Variants in USP34 observed in about 807,000 individuals in gnomAD.
The protein encoded by USP34 is ubiquitin carboxyl-terminal hydrolase 34.
In USP34, 70 loss-of-function variants were observed where a neutral mutation model predicts 460.3. That is an observed-to-expected ratio of 0.15 (90% CI 0.13 to 0.19). USP34 has a LOEUF of 0.19. Among genes scored for constraint, USP34 ranks in the 10% least tolerant of loss-of-function variants. The pLI, the probability that USP34 is intolerant of heterozygous loss-of-function variation, is 1.00. For missense variants in USP34, 3,985 were observed against 4,236.2 expected (o/e 0.94, Z 1.65); for synonymous variants, 1,647 against 1,405.3 (o/e 1.17, Z -3.85).
At chr2:61,365,668 G>A (rs1692415283) in intron 10 of USP34, among the ~76,000 whole-genome samples, 1 of 152,076 alleles carries the variant, frequency 6.6e-6, no homozygotes, top group Non-Finnish European at 1.5e-5. Flanking sequence ...ATTTGTCAGA[G>A]TCACATACCT....
At chr2:61,313,144 G>C (rs919333109) in intron 25 of USP34, among the ~76,000 whole-genome samples, 3 of 151,624 alleles carry the variant, frequency 2.0e-5, no homozygotes, top group African/African-American at 7.3e-5. Flanking sequence ...TATTGTACTA[G>C]TAACAAAAAA....
rs1231976699 is a variant in USP34 at position 61,314,697 on chromosome 2, C to G, written c.3430G>C (p.Glu1144Gln). Residue 1144 changes from glutamate (E) to glutamine (Q), a missense_variant, in exon 25 of 80, where the codon GAG becomes CAG. Transcript: ENST00000398571. ...CTGCTAGAAGCTATCATAAGACTCT[C>G]CATGCACTTACTAATAAATTCTTGC... is the stretch of plus-strand genomic sequence containing the variant. Reference protein sequence around the residue: ...KEQEFISKCMESLMIASSSLE... With the variant: ...KEQEFISKCMQSLMIASSSLE... 2 of 1,597,446 alleles carry G rather than the reference C, an allele frequency of 1.3e-6. No homozygotes were observed. The highest frequency in any genetic ancestry group is 2.3e-5 in the South Asian group (2 of 87,324).
At chr2:61,273,776 T>C (rs1045178281) in intron 41 of USP34, among the ~76,000 whole-genome samples, 20 of 152,116 alleles carry the variant, frequency 1.3e-4, no homozygotes, top group African/African-American at 4.6e-4. Flanking sequence ...AGATATGATA[T>C]TGGTGAATGA....
At chr2:61,465,635 G>C (rs1695738625) in intron 1 of USP34, among the ~76,000 whole-genome samples, 1 of 152,134 alleles carries the variant, frequency 6.6e-6, no homozygotes, top group South Asian at 2.1e-4. Flanking sequence ...TTCAGACCAG[G>C]AGTTTGAGAC....
chr2:61,416,873 G>C, intron 2 of USP34: 5 of 730,094 alleles, frequency 6.8e-6, no homozygotes, highest in Non-Finnish European at 1.1e-5. Flanking sequence ...GGGCAGCACA[G>C]TGGAAGCCCT....
chr2:61,314,284 A>G (rs1034169804), intron 25 of USP34, among the ~76,000 whole-genome samples: 1 of 152,120 alleles, frequency 6.6e-6, no homozygotes, highest in Non-Finnish European at 1.5e-5. Context: ...TGCCTTTTTA[A>G]TCAAAGTCAA....
chr2:61,188,442 T>C lies in USP34; in HGVS notation c.10301A>G (p.His3434Arg). The C allele has an allele frequency of 6.2e-7, 1 of 1,614,238 alleles. No individual in the cohort carries two copies. The highest frequency in any genetic ancestry group is 8.5e-7 in the Non-Finnish European group (1 of 1,180,034). ...SEDMSNIRSQ[H>R]AEEQSNNGRY... ...ACCATTGTTGGACTGTTCTTCTGCA[T>C]GCTGTGACCTGATATTTGACATGTC... The change falls in exon 80 of 80, where the codon CAT becomes CGT. Residue 3434 changes from histidine to arginine, a missense_variant. Coordinates refer to ENST00000398571, the MANE Select transcript of USP34 (RefSeq NM_014709.4).
At chr2:61,294,162 G>A (rs1689948813) in intron 32 of USP34, among the ~76,000 whole-genome samples, 1 of 152,054 alleles carries the variant, frequency 6.6e-6, no homozygotes, top group Middle Eastern at 3.4e-3. Flanking sequence ...TGGCTAACAT[G>A]GTGAAACCCC....
At chr2:61,262,763 C>G (rs1268764276) in intron 43 of USP34, among the ~76,000 whole-genome samples, 1 of 152,200 alleles carries the variant, frequency 6.6e-6, no homozygotes, top group African/African-American at 2.4e-5. Context: ...TGCCAAGCTG[C>G]TTCTCACAAT....
chr2:61,331,359 T>C lies in USP34; in HGVS notation c.2847A>G (p.Lys949=), dbSNP rs1355610009. The C allele has an allele frequency of 1.6e-5, 25 of 1,610,566 alleles. No individual in the cohort carries two copies. The highest frequency in any genetic ancestry group is 2.0e-5 in the Non-Finnish European group (24 of 1,178,468). Residue 949 remains lysine (K), a synonymous_variant, in exon 20 of 80, where the codon AAA becomes AAG. Transcript: ENST00000398571. ...AGAAAAGCTTCATCATGTTCAGTTC[T>C]TTTTCTGCCCACCTGGCCCAAATAA... ...DTHWITMWAE[K]ELNMMKLFFD...
At chr2:61,221,437 G>C (rs1687582267) in intron 66 of USP34, 65 bp downstream of exon 66, 2 of 1,405,156 alleles carry the variant, frequency 1.4e-6, no homozygotes, top group African/African-American at 2.9e-5. Context: ...AAATGGTAGT[G>C]ACTATATTAT....
At chr2:61,278,311 C>CAA in intron 40 of USP34, 26 bp from the exon 41 acceptor site, 4 of 1,611,204 alleles carry the variant, frequency 2.5e-6, no homozygotes, top group Non-Finnish European at 3.4e-6. Context: ...AAAATACACA[C>CAA]AAGCAAGATA....
intron 69 of USP34, among the ~76,000 whole-genome samples, chr2:61,210,825 C>T (rs891576939): frequency 6.6e-6 from 1 of 152,128 alleles, no homozygotes; most frequent in Non-Finnish European, 1.5e-5. Flanking sequence ...ATCTTCCCAC[C>T]TCAGCCCCCC....
chr2:61,341,575 AC>A (rs1213729497), intron 16 of USP34, among the ~76,000 whole-genome samples: 1 of 150,120 alleles, frequency 6.7e-6, no homozygotes, highest in East Asian at 2.0e-4. Flanking sequence ...CACCCCTCCA[AC>A]CCCCCGTTTC....
chr2:61,286,523 G>C lies in USP34; in HGVS notation c.4750-1566C>G, dbSNP rs182050760. 8.6e-3 allele frequency among the ~76,000 whole-genome samples: 1,306 copies of C among 152,214 alleles called. 20 individuals carry two copies. The highest frequency in any genetic ancestry group is 0.034 in the Middle Eastern group (10 of 292). Reference sequence around the variant, plus strand: ...ATACAAAAATTAGCCACGCATGGTGGCGTGTGCCTGTAATCCCAGCTACCT... The same window carrying C: ...ATACAAAAATTAGCCACGCATGGTGCCGTGTGCCTGTAATCCCAGCTACCT... On this transcript the variant is annotated intron_variant, in intron 34 of 79. Coordinates refer to ENST00000398571, the MANE Select transcript of USP34 (RefSeq NM_014709.4).
intron 41 of USP34, among the ~76,000 whole-genome samples, chr2:61,269,341 T>G (rs920310977): frequency 2.0e-5 from 3 of 151,306 alleles, no homozygotes. Flanking sequence ...TTTTTTTTTT[T>G]TTTTAATAGA....
At position 61,188,425 on chromosome 2, in the gene USP34, T is replaced by C. The variant is rs797020579; in HGVS notation, c.10318A>G (p.Asn3440Asp). ...IRSQHAEEQS[N>D]NGRYDDCKEF... ...TTACAATCGTCATATCTACCATTGTTGGACTGTTCTTCTGCATGCTGTGAC... is the reference window on the plus strand; with the variant it reads ...TTACAATCGTCATATCTACCATTGTCGGACTGTTCTTCTGCATGCTGTGAC... Residue 3440 changes from asparagine to aspartate, a missense_variant, in exon 80 of 80, where the codon AAC (asparagine) becomes GAC (aspartate). Asn to Asp is a conservative substitution (Grantham distance 23). Transcript: ENST00000398571. 1.9e-6 allele frequency: 3 copies of C among 1,614,124 alleles called. No individual in the cohort carries two copies. The East Asian group carries it at 6.7e-5, about 36-fold the overall frequency.
intron 35 of USP34, 146 bp from the exon 36 acceptor site, chr2:61,283,595 G>C (rs1247462457): frequency 1.4e-6 from 1 of 739,846 alleles, no homozygotes; most frequent in Non-Finnish European, 2.2e-6. Flanking sequence ...GAGAGTGAGA[G>C]TGAGAGAGAG....
chr2:61,222,747 G>T, intron 64 of USP34, 84 bp from the exon 65 acceptor site: 2 of 1,303,680 alleles, frequency 1.5e-6, no homozygotes, highest in South Asian at 1.3e-5. Context: ...CCCAGGCTGG[G>T]ATGCAGTGGC....
Sources: allele counts gnomAD v4.1 joint callset (sites outside exome capture counted in the v4.1 genomes callset), GRCh38; gene constraint gnomAD v4.1.1; transcripts MANE v1.5; gene names NCBI Gene and HGNC (gene_info 2026-07-23, HGNC 2026-07-21).